Variants in SRGAP3 observed in about 807,000 individuals in gnomAD.
SRGAP3 encodes the protein SLIT-ROBO Rho GTPase activating protein 3.
Under a neutral mutation model 121.1 loss-of-function variants are expected in SRGAP3, and 39 were observed. The ratio of observed to expected loss-of-function variants is 0.32; its 90% CI spans 0.25 to 0.42. The LOEUF (loss-of-function observed/expected upper bound fraction) is 0.42, where lower values mean the gene tolerates loss of function less well. Ranked by LOEUF, SRGAP3 falls within the 10% of genes least tolerant of loss-of-function variation. SRGAP3 has a pLI of 1.00. For missense variants in SRGAP3, 1,213 were observed against 1,470.6 expected, an observed-to-expected ratio of 0.82 and a Z score of 2.86; for synonymous variants, 601 against 570.0, an observed-to-expected ratio of 1.05 and a Z score of -0.77.
At chr3:9,322,524 G>T (rs967510507) in intron 3 of SRGAP3, among the ~76,000 whole-genome samples, 22 of 151,682 alleles carry the variant, frequency 1.5e-4, no homozygotes, top group African/African-American at 4.8e-4. Flanking sequence ...GTGGGCAAGG[G>T]AGCATTACCA....
intron 3 of SRGAP3, among the ~76,000 whole-genome samples, chr3:9,266,229 G>T (rs1410501930): frequency 8.5e-5 from 13 of 152,126 alleles, no homozygotes; most frequent in African/African-American, 3.1e-4. Context: ...TCATGGCATG[G>T]GGGGCAAGGA....
intron 18 of SRGAP3, among the ~76,000 whole-genome samples, chr3:9,000,178 A>ACCTGTTG (rs1449518183): frequency 6.6e-6 from 1 of 152,120 alleles, no homozygotes; most frequent in African/African-American, 2.4e-5. Context: ...TGCTCCCACT[A>ACCTGTTG]CCTGTTGCTG....
intron 5 of SRGAP3, among the ~76,000 whole-genome samples, 186 bp downstream of exon 5, chr3:9,064,210 C>T (rs978705315): frequency 1.3e-5 from 2 of 152,206 alleles, no homozygotes; most frequent in Non-Finnish European, 2.9e-5. Context: ...TGCCTGGCTC[C>T]GCTTCCACTA....
intron 1 of SRGAP3, 162 bp from the exon 2 acceptor site, chr3:9,125,079 C>G: frequency 2.6e-6 from 2 of 774,728 alleles, no homozygotes; most frequent in South Asian, 3.3e-5. Flanking sequence ...CTTGGCAGAG[C>G]ATTGGCACAA....
At chr3:9,207,096 G>A (rs1224354698) in intron 1 of SRGAP3, among the ~76,000 whole-genome samples, 1 of 152,140 alleles carries the variant, frequency 6.6e-6, no homozygotes, top group African/African-American at 2.4e-5. Context: ...GGTTTTCAGT[G>A]GGGAAATTAG....
At chr3:9,191,367 T>A (rs993565519) in intron 1 of SRGAP3, among the ~76,000 whole-genome samples, 26 of 152,264 alleles carry the variant, frequency 1.7e-4, no homozygotes, top group African/African-American at 6.0e-4. Context: ...TTTAATGGAC[T>A]GCACATTTCT....
At chr3:9,189,122 C>T (rs1204931629) in intron 1 of SRGAP3, among the ~76,000 whole-genome samples, 2 of 152,198 alleles carry the variant, frequency 1.3e-5, no homozygotes, top group Non-Finnish European at 1.5e-5. Context: ...CAAGAAGGAG[C>T]CACCATAATT....
At chr3:9,159,256 A>G (rs1026500358) in intron 1 of SRGAP3, among the ~76,000 whole-genome samples, 2 of 151,978 alleles carry the variant, frequency 1.3e-5, no homozygotes, top group African/African-American at 2.4e-5. Context: ...GGTGCTTGTC[A>G]GTCTGTGTAG....
At chr3:9,059,609 C>T (rs1031672740) in intron 6 of SRGAP3, 1 of 169,546 alleles carries the variant, frequency 5.9e-6, no homozygotes, top group African/African-American at 2.4e-5. Flanking sequence ...CACAGAAGCC[C>T]TCCCCAGCAC....
chr3:9,117,435 A>C (rs1183211391), intron 2 of SRGAP3, among the ~76,000 whole-genome samples: 3 of 152,246 alleles, frequency 2.0e-5, no homozygotes, highest in African/African-American at 7.2e-5. Context: ...AAGCTGAAAG[A>C]TGCTCCAAAC....
intron 1 of SRGAP3, among the ~76,000 whole-genome samples, chr3:9,143,909 C>T (rs917099831): frequency 2.0e-5 from 3 of 152,134 alleles, no homozygotes; most frequent in African/African-American, 7.2e-5. Flanking sequence ...GTGTCCTATC[C>T]GTTCTACCAG....
intron 10 of SRGAP3, among the ~76,000 whole-genome samples, chr3:9,045,048 T>C (rs554436052): frequency 9.2e-5 from 14 of 152,348 alleles, no homozygotes; most frequent in African/African-American, 2.9e-4. Context: ...TAATGTACCA[T>C]ATTCATTAAT....
In SRGAP3 at chr3:9,239,041, G is replaced by A. The variant is rs950646130; in HGVS notation, c.67+9844C>T. The stretch of plus-strand genomic sequence containing the variant: ...GGATCTTGGAGCACAACCCTGGAGG[G>A]AAACCCCAAATTGACTTATACTTAT... On this transcript the variant is annotated intron_variant, in intron 1 of 21. Transcript: ENST00000383836. This position sits in a 1 kb window ranked among gnomAD's most constrained non-coding sequence, Gnocchi z 4.0. Among the ~76,000 whole-genome samples the A allele has an allele frequency of 2.6e-5, 4 of 152,160 alleles. No individual in the cohort carries two copies. The highest frequency in any genetic ancestry group is 9.7e-5 in the African/African-American group (4 of 41,426).
At chr3:9,158,291 A>G (rs1208760408) in intron 1 of SRGAP3, among the ~76,000 whole-genome samples, 1 of 152,116 alleles carries the variant, frequency 6.6e-6, no homozygotes, top group Non-Finnish European at 1.5e-5. Context: ...GTCAGATTGG[A>G]GGTCTTATTA....
chr3:9,252,082 T>C (rs1954030505), upstream of SRGAP3, among the ~76,000 whole-genome samples: 2 of 152,170 alleles, frequency 1.3e-5, no homozygotes, highest in South Asian at 4.1e-4. Flanking sequence ...GATGGATCCC[T>C]CAGGAATGGC....
intron 3 of SRGAP3, among the ~76,000 whole-genome samples, chr3:9,087,369 C>T (rs1049174825): frequency 4.6e-5 from 7 of 151,882 alleles, no homozygotes; most frequent in Non-Finnish European, 8.8e-5. Context: ...TAGGAAGTTG[C>T]CCAGAGAAGG....
At chr3:9,166,910 C>CA (rs945833095) in intron 1 of SRGAP3, among the ~76,000 whole-genome samples, 6 of 152,174 alleles carry the variant, frequency 3.9e-5, no homozygotes, top group Admixed American at 3.3e-4. Flanking sequence ...CATATGGCCC[C>CA]ACCCTGACCT....
intron 2 of SRGAP3, among the ~76,000 whole-genome samples, chr3:9,119,763 TG>T (rs1432898657): frequency 6.6e-6 from 1 of 152,202 alleles, no homozygotes; most frequent in African/African-American, 2.4e-5. Flanking sequence ...GATGCCCGGC[TG>T]AAGCAGGAGG....
At chr3:9,075,867 T>G (rs779718674) in intron 4 of SRGAP3, among the ~76,000 whole-genome samples, 8 of 152,134 alleles carry the variant, frequency 5.3e-5, no homozygotes, top group Non-Finnish European at 1.2e-4. Flanking sequence ...GAAGCATGAA[T>G]TTGGGGCACA....
Sources: allele counts gnomAD v4.1 joint callset (sites outside exome capture counted in the v4.1 genomes callset), GRCh38; gene constraint gnomAD v4.1.1; non-coding constraint Gnocchi (gnomAD v3.1); transcripts MANE v1.5; gene names NCBI Gene and HGNC (gene_info 2026-07-23, HGNC 2026-07-21).